Variants in GRIN2A observed in about 807,000 individuals in gnomAD.
GRIN2A encodes the protein glutamate ionotropic receptor NMDA type subunit 2A, also known as glutamate receptor ionotropic, NMDA 2A.
A neutral mutation model predicts 113.4 loss-of-function variants in GRIN2A; 22 were observed. The ratio of observed to expected loss-of-function variants is 0.19; its 90% CI spans 0.14 to 0.28. The LOEUF (loss-of-function observed/expected upper bound fraction) is 0.28. GRIN2A is among the 10% of genes least tolerant of loss of function. GRIN2A has a pLI of 1.00. For synonymous variants in GRIN2A, 827 were observed against 738.4 expected (o/e 1.12, Z -1.94); for missense variants, 1,502 against 1,887.0 (o/e 0.80, Z 3.78).
intron 2 of GRIN2A, among the ~76,000 whole-genome samples, chr16:10,123,664 G>T (rs775901494): frequency 6.6e-6 from 1 of 152,160 alleles, no homozygotes; most frequent in Non-Finnish European, 1.5e-5. Flanking sequence ...TGGGACCTGA[G>T]ATTCTGCATT....
chr16:9,919,078 C>G (rs1206436512), intron 3 of GRIN2A, among the ~76,000 whole-genome samples: 1 of 152,126 alleles, frequency 6.6e-6, no homozygotes. Flanking sequence ...GAGGCCGAGG[C>G]AGGAGAATTG....
chr16:10,064,010 C>A (rs1241354846), intron 2 of GRIN2A, among the ~76,000 whole-genome samples: 1 of 152,142 alleles, frequency 6.6e-6, no homozygotes, highest in South Asian at 2.1e-4. Context: ...ATGGTGAGAA[C>A]AATAGGATTG....
At chr16:10,140,716 A>C (rs1203340436) in intron 2 of GRIN2A, among the ~76,000 whole-genome samples, 1 of 152,160 alleles carries the variant, frequency 6.6e-6, no homozygotes, top group African/African-American at 2.4e-5. Flanking sequence ...TGGTTGATTT[A>C]TGGGCAAGTG....
chr16:10,112,418 G>A (rs1596518920), intron 2 of GRIN2A: 2 of 730,814 alleles, frequency 2.7e-6, no homozygotes, highest in Non-Finnish European at 2.5e-6. Context: ...GCACTGCTGT[G>A]TACAAGGTGG....
chr16:10,079,545 C>G (rs1305168693), intron 2 of GRIN2A, among the ~76,000 whole-genome samples: 1 of 152,120 alleles, frequency 6.6e-6, no homozygotes. Flanking sequence ...GGGCCAAGCC[C>G]TCATAAATGA....
chr16:10,049,782 C>T (rs1018539812), intron 2 of GRIN2A, among the ~76,000 whole-genome samples: 1 of 152,152 alleles, frequency 6.6e-6, no homozygotes, highest in African/African-American at 2.4e-5. Flanking sequence ...TCTGTCTCTC[C>T]TGATTAAGAT....
intron 2 of GRIN2A, among the ~76,000 whole-genome samples, chr16:10,149,989 T>G (rs965246765): frequency 3.3e-5 from 5 of 152,114 alleles, no homozygotes; most frequent in African/African-American, 7.2e-5. Flanking sequence ...CAAAGAAAAT[T>G]TATGGACAGA....
intron 11 of GRIN2A, among the ~76,000 whole-genome samples, chr16:9,782,701 C>G (rs2141186066): frequency 6.6e-6 from 1 of 152,338 alleles, no homozygotes; most frequent in African/African-American, 2.4e-5. Flanking sequence ...ATAACAGACA[C>G]TAAGATTCTG....
intron 2 of GRIN2A, among the ~76,000 whole-genome samples, chr16:10,141,559 C>A (rs973413724): frequency 1.1e-4 from 16 of 152,096 alleles, no homozygotes; most frequent in African/African-American, 3.1e-4. Flanking sequence ...CAGGAGAGAC[C>A]AAATCCAAAT....
intron 2 of GRIN2A, among the ~76,000 whole-genome samples, chr16:9,988,218 T>A (rs1332939333): frequency 6.6e-6 from 1 of 151,860 alleles, no homozygotes; most frequent in East Asian, 1.9e-4. Flanking sequence ...GATGTCAAGA[T>A]GTCTGGGGAG....
chr16:9,873,436 C>T (rs1345288059), intron 4 of GRIN2A, among the ~76,000 whole-genome samples: 1 of 152,134 alleles, frequency 6.6e-6, no homozygotes, highest in Non-Finnish European at 1.5e-5. Context: ...TGCAGTGGCT[C>T]ATGCCTGTAA....
chr16:10,097,579 G>A (rs1010679122), intron 2 of GRIN2A, among the ~76,000 whole-genome samples: 6 of 152,158 alleles, frequency 3.9e-5, no homozygotes, highest in Non-Finnish European at 7.4e-5. Context: ...CCCAGGGACT[G>A]GAAAGGGATC....
chr16:9,859,542 C>T (rs2010691), intron 4 of GRIN2A, among the ~76,000 whole-genome samples: 32,261 of 151,314 alleles, frequency 0.21, 4,111 homozygotes, highest in Non-Finnish European at 0.29. Flanking sequence ...TAATCACATA[C>T]GCTCACACCC....
intron 9 of GRIN2A, among the ~76,000 whole-genome samples, chr16:9,823,289 A>G (rs577728783): frequency 6.6e-6 from 1 of 152,230 alleles, no homozygotes; most frequent in Non-Finnish European, 1.5e-5. Context: ...GGTTATAAGC[A>G]GGAGCTCGAA....
At chr16:10,119,727 C>T (rs932485822) in intron 2 of GRIN2A, among the ~76,000 whole-genome samples, 11 of 152,160 alleles carry the variant, frequency 7.2e-5, no homozygotes, top group Non-Finnish European at 1.2e-4. Context: ...TATCCTCTCC[C>T]TCCTCCCACC....
intron 2 of GRIN2A, among the ~76,000 whole-genome samples, chr16:10,049,459 C>A (rs1343306432): frequency 6.6e-6 from 1 of 151,752 alleles, no homozygotes; most frequent in Non-Finnish European, 1.5e-5. Flanking sequence ...CTCACTGTAA[C>A]CTCCGCCTCC....
intron 2 of GRIN2A, among the ~76,000 whole-genome samples, chr16:10,118,508 T>C (rs2048772108): frequency 6.6e-6 from 1 of 152,180 alleles, no homozygotes; most frequent in Non-Finnish European, 1.5e-5. Flanking sequence ...GTGAACAATA[T>C]TTCTCATCCA....
chr16:9,881,191 C>T lies in GRIN2A; in HGVS notation c.1122+9795G>A, dbSNP rs574770888. Among the ~76,000 whole-genome samples, 6 of 152,284 alleles carry T rather than the reference C, an allele frequency of 3.9e-5. No individual in the cohort carries two copies. In the South Asian group the frequency reaches 6.2e-4, roughly 16 times the overall value. On this transcript the variant is annotated intron_variant, in intron 4 of 12. Coordinates refer to ENST00000330684, the MANE Select transcript of GRIN2A (RefSeq NM_001134407.3). ...GGCACTGAACTACATCTATAAACAG[C>T]GTTTTATTTGCCTTGTTATTCTCTC...
intron 2 of GRIN2A, chr16:10,031,576 T>G (rs564270023): frequency 6.6e-6 from 1 of 152,256 alleles, no homozygotes. Context: ...TAGACAGTGG[T>G]GCACAATAAT....
Sources: allele counts gnomAD v4.1 joint callset (sites outside exome capture counted in the v4.1 genomes callset), GRCh38; gene constraint gnomAD v4.1.1; transcripts MANE v1.5; gene names NCBI Gene and HGNC (gene_info 2026-07-23, HGNC 2026-07-21).